Variants in TAMM41 observed in about 807,000 individuals in gnomAD.
The protein encoded by TAMM41 is phosphatidate cytidylyltransferase, mitochondrial.
In TAMM41, 36 loss-of-function variants were observed where a neutral mutation model predicts 44.1. The observed-to-expected ratio is 0.82, with a 90% confidence interval of 0.63 to 1.08. The LOEUF is 1.08. Among genes scored for constraint, TAMM41 ranks in the 50% least tolerant of loss-of-function variants. TAMM41 has a pLI of 0.00. For synonymous variants in TAMM41, 164 were observed against 153.1 expected (o/e 1.07, Z -0.53); for missense variants, 417 against 404.3 (o/e 1.03, Z -0.27).
intron 3 of TAMM41, among the ~76,000 whole-genome samples, chr3:11,830,543 T>C (rs1320697265): frequency 6.6e-6 from 1 of 151,960 alleles, no homozygotes; most frequent in Non-Finnish European, 1.5e-5. Flanking sequence ...CAATACAGAG[T>C]AGAAGCTTCC....
At chr3:11,770,445 A>G in the TAMM41 span, among the ~76,000 whole-genome samples, 1 of 152,204 alleles carries the variant, frequency 6.6e-6, no homozygotes, top group African/African-American at 2.4e-5. Flanking sequence ...ACTGGCTCTC[A>G]ACTGGGATTT....
At chr3:11,749,431 C>T in the TAMM41 span, among the ~76,000 whole-genome samples, 1 of 152,200 alleles carries the variant, frequency 6.6e-6, no homozygotes, top group Non-Finnish European at 1.5e-5. Flanking sequence ...CTGTGCTTTA[C>T]AGTGATCAGG....
intron 7 of TAMM41, among the ~76,000 whole-genome samples, chr3:11,801,538 C>T (rs187263314): frequency 7.8e-4 from 118 of 152,204 alleles, no homozygotes; most frequent in Admixed American, 3.3e-3. Context: ...GTTGCCCAGG[C>T]TGGTTTCAAA....
the TAMM41 span, among the ~76,000 whole-genome samples, chr3:11,750,984 A>G: frequency 6.6e-6 from 1 of 151,914 alleles, no homozygotes; most frequent in Non-Finnish European, 1.5e-5. Flanking sequence ...ACAATAAGAC[A>G]TCGTCCAGGG....
intron 4 of TAMM41, among the ~76,000 whole-genome samples, chr3:11,823,843 T>TC (rs889922086): frequency 1.1e-4 from 16 of 149,536 alleles, no homozygotes; most frequent in African/African-American, 3.7e-4. Context: ...TTTTTTTTTT[T>TC]TGAGACAGAG....
Position 11,813,385 on chromosome 3 carries a change from C to T in TAMM41, c.709-3703G>A, listed in dbSNP as rs150764530. 3.0e-3 allele frequency among the ~76,000 whole-genome samples: 460 copies of T among 152,178 alleles called. 2 individuals carry two copies. Among genetic ancestry groups the T allele is most frequent in the Non-Finnish European group, 5.2e-3 (357 of 68,002 alleles). ...TCTCTACTAAAAATACAAAAATTAGCTGGGTGTGATGGTGCATGCCTGTAG... is the reference window on the plus strand; with the variant it reads ...TCTCTACTAAAAATACAAAAATTAGTTGGGTGTGATGGTGCATGCCTGTAG... On this transcript the variant is annotated intron_variant, in intron 5 of 7. Coordinates refer to ENST00000455809, the MANE Select transcript of TAMM41 (RefSeq NM_001284401.2).
the TAMM41 span, among the ~76,000 whole-genome samples, chr3:11,777,521 C>T: frequency 6.6e-5 from 10 of 152,280 alleles, no homozygotes; most frequent in South Asian, 2.1e-4. Flanking sequence ...AGGCCGGGTG[C>T]GGTGGCTCAC....
intron 2 of TAMM41, among the ~76,000 whole-genome samples, chr3:11,840,216 C>T (rs531722642): frequency 2.7e-5 from 4 of 149,324 alleles, no homozygotes; most frequent in East Asian, 1.9e-4. Flanking sequence ...CCCAGCCTCA[C>T]GTTAATGTTA....
At chr3:11,758,232 G>A in the TAMM41 span, among the ~76,000 whole-genome samples, 1 of 152,230 alleles carries the variant, frequency 6.6e-6, no homozygotes, top group Non-Finnish European at 1.5e-5. Flanking sequence ...CACAATGCTG[G>A]AGGCCGAAGT....
intron 2 of TAMM41, among the ~76,000 whole-genome samples, chr3:11,842,187 G>A (rs1208319392): frequency 1.3e-5 from 2 of 151,990 alleles, no homozygotes; most frequent in Admixed American, 1.3e-4. Flanking sequence ...TCAGGAGTTC[G>A]TGACCAGCCT....
chr3:11,732,997 T>TG, the TAMM41 span, among the ~76,000 whole-genome samples: 15 of 104,456 alleles, frequency 1.4e-4, no homozygotes, highest in Non-Finnish European at 3.3e-4. Flanking sequence ...GAGTTTTTTT[T>TG]TTGTTTGTTT....
At chr3:11,756,565 C>T in the TAMM41 span, among the ~76,000 whole-genome samples, 120,819 of 152,136 alleles carry the variant, frequency 0.79, 48,422 homozygotes, top group African/African-American at 0.87. Context: ...AGAGCCAAGA[C>T]AGAAATCCGG....
rs1469921831 is a variant in TAMM41 at position 11,817,328 on chromosome 3, C to T, written c.572G>A (p.Arg191Gln). 1.0e-5 allele frequency: 16 copies of T among 1,607,498 alleles called. No homozygotes were observed. The highest frequency in any genetic ancestry group is 9.9e-5 in the South Asian group (9 of 90,680). Residue 191 changes from arginine to glutamine, a missense_variant, in exon 5 of 8, where the codon CGG (arginine) becomes CAG (glutamine). Coordinates refer to ENST00000455809, the MANE Select transcript of TAMM41 (RefSeq NM_001284401.2). Reference sequence around the variant, plus strand: ...TGTTTTATCTTCTCCAACCACCATCCGAAAGTCACCTAGTTAAAACAAAGA... The same window carrying T: ...TGTTTTATCTTCTCCAACCACCATCTGAAAGTCACCTAGTTAAAACAAAGA... Reference protein sequence around the residue: ...IAGLSYSGDFRMVVGEDKTKV... With the variant: ...IAGLSYSGDFQMVVGEDKTKV...
intron 2 of TAMM41, 77 bp downstream of exon 2, chr3:11,843,952 C>T: frequency 1.4e-6 from 2 of 1,457,364 alleles, no homozygotes; most frequent in Non-Finnish European, 1.9e-6. Flanking sequence ...ACCACAAGAA[C>T]ATACATATTT....
chr3:11,726,807 A>G, the TAMM41 span, among the ~76,000 whole-genome samples: 1 of 151,384 alleles, frequency 6.6e-6, no homozygotes, highest in Non-Finnish European at 1.5e-5. Flanking sequence ...TCTCAAAAAA[A>G]AAAAAAAAAA....
chr3:11,799,449 T>C (rs1051767180), intron 7 of TAMM41, among the ~76,000 whole-genome samples: 19 of 152,140 alleles, frequency 1.2e-4, no homozygotes, highest in African/African-American at 3.9e-4. Flanking sequence ...TAGGAAACCT[T>C]TGTCACAGCC....
chr3:11,754,118 C>T, the TAMM41 span, among the ~76,000 whole-genome samples: 2 of 152,116 alleles, frequency 1.3e-5, no homozygotes, highest in Admixed American at 6.6e-5. Context: ...TAACCGAGAC[C>T]CCCTGCTCCT....
downstream of TAMM41, among the ~76,000 whole-genome samples, chr3:11,789,284 A>G (rs1170323231): frequency 2.0e-5 from 3 of 152,254 alleles, no homozygotes; most frequent in Non-Finnish European, 4.4e-5. Context: ...GCTGAACTCA[A>G]TAGTAAACAA....
intron 7 of TAMM41, among the ~76,000 whole-genome samples, chr3:11,792,435 C>T (rs2077501605): frequency 6.6e-6 from 1 of 152,076 alleles, no homozygotes; most frequent in African/African-American, 2.4e-5. Context: ...ACAAGGGGTC[C>T]ACAGATTAAG....
Sources: gnomAD v4.1 joint callset for allele counts (sites outside exome capture counted in the v4.1 genomes callset) on GRCh38, gnomAD v4.1.1 for gene constraint, MANE v1.5 for transcripts, NCBI Gene and HGNC (gene_info 2026-07-23, HGNC 2026-07-21) for gene names.